The following TENM2 variants were observed in gnomAD, a reference collection of about 807,000 sequenced individuals.
The protein encoded by TENM2 is teneurin transmembrane protein 2.
A neutral mutation model predicts 245.2 loss-of-function variants in TENM2; 52 were observed. That is an observed-to-expected ratio of 0.21 (90% CI 0.17 to 0.27). The LOEUF is 0.27. Ranked by LOEUF, TENM2 falls within the 10% of genes least tolerant of loss-of-function variation. TENM2 has a pLI of 1.00. For synonymous variants in TENM2, 1,363 were observed against 1,438.9 expected (o/e 0.95, Z 1.19); for missense variants, 3,046 against 3,666.8 (o/e 0.83, Z 4.37).
chr5:166,989,697 C>T, the TENM2 span, among the ~76,000 whole-genome samples: 35 of 151,352 alleles, frequency 2.3e-4, no homozygotes, highest in African/African-American at 7.8e-4. Context: ...TGGCCTACCC[C>T]GCAAAAATAT....
intron 2 of TENM2, among the ~76,000 whole-genome samples, chr5:167,634,950 A>G (rs1779101259): frequency 6.6e-6 from 1 of 152,166 alleles, no homozygotes; most frequent in South Asian, 2.1e-4. Context: ...TGATGGGTCC[A>G]TGGTTAAGTT....
intron 2 of TENM2, among the ~76,000 whole-genome samples, chr5:167,515,145 C>T (rs1300144000): frequency 2.0e-5 from 3 of 152,140 alleles, no homozygotes; most frequent in Non-Finnish European, 4.4e-5. Context: ...ATATGATACA[C>T]AGTTCCTTTT....
At chr5:167,920,515 T>TCACACACA (rs58866696) in intron 3 of TENM2, among the ~76,000 whole-genome samples, 8,770 of 129,354 alleles carry the variant, frequency 0.068, 355 homozygotes, top group African/African-American at 0.1. Context: ...CGAAACTCCA[T>TCACACACA]CACACACACA....
chr5:167,838,193 G>A (rs1052771359), intron 2 of TENM2, among the ~76,000 whole-genome samples: 17 of 152,274 alleles, frequency 1.1e-4, no homozygotes, highest in Admixed American at 6.5e-4. Context: ...AGAAATGGTC[G>A]GCAGTGAATA....
intron 2 of TENM2, among the ~76,000 whole-genome samples, chr5:167,841,208 C>G (rs531950081): frequency 5.9e-5 from 9 of 152,218 alleles, no homozygotes; most frequent in African/African-American, 1.9e-4. Context: ...AGGCGCCCAC[C>G]ACCATGCCCA....
At chr5:167,096,410 T>C in the TENM2 span, among the ~76,000 whole-genome samples, 1 of 152,214 alleles carries the variant, frequency 6.6e-6, no homozygotes, top group Admixed American at 6.5e-5. Flanking sequence ...CCGTAACACA[T>C]TTTTAGAGTC....
In TENM2 at chr5:167,608,671, G is replaced by A. The variant is rs139298581; in HGVS notation, c.502+233198G>A. On this transcript the variant is annotated intron_variant, in intron 2 of 28. Transcript: ENST00000518659. Reference sequence around the variant, plus strand: ...GTAAAAAGCAGTTGTTAGTAAGAGCGCTACCTGTCATACTAATGGACTAGA... The same window carrying A: ...GTAAAAAGCAGTTGTTAGTAAGAGCACTACCTGTCATACTAATGGACTAGA... Among the ~76,000 whole-genome samples, 15 of 152,262 alleles carry A rather than the reference G, an allele frequency of 9.9e-5. No homozygotes were observed. In the East Asian group the frequency reaches 2.3e-3, roughly 24 times the overall value.
At chr5:168,175,966 G>A (rs1581539675) in intron 13 of TENM2, among the ~76,000 whole-genome samples, 1 of 152,308 alleles carries the variant, frequency 6.6e-6, no homozygotes, top group East Asian at 1.9e-4. Flanking sequence ...CGTCTGCCAG[G>A]GAGGCCATTG....
chr5:167,153,506 G>GGGGGAGGAGGTGGAAGGGGAGACACGAGA, the TENM2 span, among the ~76,000 whole-genome samples: 1 of 152,030 alleles, frequency 6.6e-6, no homozygotes, highest in Non-Finnish European at 1.5e-5. Context: ...GGGTGGAAGA[G>GGGGGAGGAGGTGGAAGGGGAGACACGAGA]GGGGAGGAGG....
intron 17 of TENM2, among the ~76,000 whole-genome samples, chr5:168,202,604 T>C (rs1417575673): frequency 1.3e-5 from 2 of 151,528 alleles, no homozygotes; most frequent in East Asian, 3.9e-4. Flanking sequence ...TGAGAAATAA[T>C]ATATCAAGGC....
intron 5 of TENM2, among the ~76,000 whole-genome samples, chr5:168,020,514 C>A (rs1786049353): frequency 6.6e-6 from 1 of 152,154 alleles, no homozygotes; most frequent in South Asian, 2.1e-4. Context: ...TTGACGTCGT[C>A]ATTTTATCTT....
At chr5:168,121,868 G>A (rs1795492218) in intron 10 of TENM2, among the ~76,000 whole-genome samples, 2 of 152,152 alleles carry the variant, frequency 1.3e-5, no homozygotes, top group African/African-American at 4.8e-5. Flanking sequence ...GGGGCAGAGT[G>A]AAAAATTAGA....
rs191150297 is a variant in TENM2, at chr5:167,458,259, G to C, written c.502+82786G>C. On this transcript the variant is annotated intron_variant, in intron 2 of 28. Coordinates refer to ENST00000518659, the Ensembl canonical transcript of TENM2. Reference sequence around the variant, plus strand: ...CCCAGCACTTTGGGAGGCCGAGACAGGTGGATCACCTGAGATCAGGAGTTC... The same window carrying C: ...CCCAGCACTTTGGGAGGCCGAGACACGTGGATCACCTGAGATCAGGAGTTC... 1.6e-3 allele frequency among the ~76,000 whole-genome samples: 247 copies of C among 151,962 alleles called. 5 individuals are homozygous for C. Among genetic ancestry groups the C allele is most frequent in the African/African-American group, 5.7e-3 (236 of 41,526 alleles).
the TENM2 span, among the ~76,000 whole-genome samples, chr5:167,180,953 A>C: frequency 6.6e-6 from 1 of 151,718 alleles, no homozygotes; most frequent in Admixed American, 6.6e-5. Flanking sequence ...ATTGAAAAAA[A>C]AAACAAAAAA....
At chr5:167,519,833 A>G (rs1366424571) in intron 2 of TENM2, among the ~76,000 whole-genome samples, 1 of 152,224 alleles carries the variant, frequency 6.6e-6, no homozygotes, top group African/African-American at 2.4e-5. Flanking sequence ...ACACACAGTC[A>G]GTTCGGATTT....
At chr5:167,381,913 T>C (rs1212982746) in intron 2 of TENM2, among the ~76,000 whole-genome samples, 1 of 152,186 alleles carries the variant, frequency 6.6e-6, no homozygotes, top group East Asian at 1.9e-4. Flanking sequence ...GCATTTAGAT[T>C]TAAATGCTTC....
At chr5:167,702,906 G>T (rs1051426977) in intron 2 of TENM2, among the ~76,000 whole-genome samples, 1 of 151,612 alleles carries the variant, frequency 6.6e-6, no homozygotes, top group Non-Finnish European at 1.5e-5. Context: ...CCCATGATTC[G>T]CCCGCCTCAA....
chr5:167,818,609 T>C (rs1394366942), intron 2 of TENM2, among the ~76,000 whole-genome samples: 1 of 152,132 alleles, frequency 6.6e-6, no homozygotes, highest in African/African-American at 2.4e-5. Flanking sequence ...TGGCAGACCC[T>C]TAGGCCTTCC....
the TENM2 span, among the ~76,000 whole-genome samples, chr5:166,983,808 G>A: frequency 6.6e-6 from 1 of 152,120 alleles, no homozygotes; most frequent in Non-Finnish European, 1.5e-5. Flanking sequence ...TTCTTTGAGA[G>A]ACGCTTGAGT....
Sources: allele counts gnomAD v4.1 joint callset (sites outside exome capture counted in the v4.1 genomes callset), GRCh38; gene constraint gnomAD v4.1.1; transcripts MANE v1.5; gene names NCBI Gene and HGNC (gene_info 2026-07-23, HGNC 2026-07-21).